C2CD3: variants seen among roughly 807,000 people sequenced by gnomAD.
C2CD3 encodes C2 domain containing 3 centriole elongation regulator.
In C2CD3, 148 loss-of-function variants were observed where a neutral mutation model predicts 234.0. The ratio of observed to expected loss-of-function variants is 0.63; its 90% CI spans 0.55 to 0.72. The LOEUF (loss-of-function observed/expected upper bound fraction) is 0.72, where lower values mean the gene tolerates loss of function less well. Among genes scored for constraint, C2CD3 ranks in the 30% least tolerant of loss-of-function variants. The pLI, the probability that C2CD3 is intolerant of heterozygous loss-of-function variation, is 0.00. For synonymous variants in C2CD3, 1,000 were observed against 1,035.4 expected, an observed-to-expected ratio of 0.97 and a Z score of 0.66; for missense variants, 2,577 against 2,811.5, an observed-to-expected ratio of 0.92 and a Z score of 1.89.
chr11:74,078,940 A>G (rs1399044959), intron 22 of C2CD3, among the ~76,000 whole-genome samples: 9 of 152,196 alleles, frequency 5.9e-5, no homozygotes, highest in African/African-American at 2.2e-4. Context: ...CTCTTTGGCT[A>G]TGGCTAGAAC....
intron 11 of C2CD3, among the ~76,000 whole-genome samples, chr11:74,111,671 G>A (rs1010204364): frequency 2.0e-5 from 3 of 152,134 alleles, no homozygotes; most frequent in Non-Finnish European, 4.4e-5. Context: ...TGGGGGATGG[G>A]AGGCAGGGGA....
chr11:74,098,286 T>TTTCC, intron 15 of C2CD3, 31 bp from the exon 16 acceptor site: 2 of 1,605,268 alleles, frequency 1.2e-6, no homozygotes, highest in Non-Finnish European at 1.7e-6. Context: ...AATAAGCAAA[T>TTTCC]AACAAGCATC....
intron 3 of C2CD3, among the ~76,000 whole-genome samples, chr11:74,154,727 C>G (rs535982997): frequency 2.0e-4 from 30 of 152,192 alleles, no homozygotes; most frequent in African/African-American, 7.2e-4. Context: ...GGTGTGGCTG[C>G]GTCCTAATAC....
intron 2 of C2CD3, among the ~76,000 whole-genome samples, chr11:74,162,937 T>C (rs960726206): frequency 1.3e-5 from 2 of 152,158 alleles, no homozygotes; most frequent in Non-Finnish European, 2.9e-5. Context: ...CACTGAGCTA[T>C]TGAGAGCACT....
intron 24 of C2CD3, among the ~76,000 whole-genome samples, chr11:74,057,981 A>C (rs965778316): frequency 4.0e-5 from 6 of 151,682 alleles, no homozygotes; most frequent in Non-Finnish European, 5.9e-5. Context: ...TCAATTGATG[A>C]CATGTTTTCA....
intron 7 of C2CD3, among the ~76,000 whole-genome samples, chr11:74,125,963 C>T (rs1202218191): frequency 6.6e-6 from 1 of 152,108 alleles, no homozygotes; most frequent in African/African-American, 2.4e-5. Context: ...TCCTTCTATC[C>T]CTCTTCTGTG....
At position 74,037,496 on chromosome 11, in the gene C2CD3, C is replaced by T. The variant is rs747486686; in HGVS notation, c.5863G>A (p.Val1955Ile). The T allele has an allele frequency of 6.2e-7, 1 of 1,613,928 alleles. No homozygotes were observed. The highest frequency in any genetic ancestry group is 1.1e-5 in the South Asian group (1 of 91,078). Residue 1955 changes from valine to isoleucine, a missense_variant, in exon 30 of 33, where the codon GTC (valine) becomes ATC (isoleucine). Physicochemically the swap from Val to Ile is conservative, Grantham distance 29 (BLOSUM62 3). Transcript: ENST00000334126. The part of the protein sequence containing the change: ...LEKSSNLVLQ[V>I]SSLITDLQTI... ...GTCATACCTGTGATTAAGGAGCTGA[C>T]TTGCAACACCAGGTTACTGGATTTC...
Position 74,074,568 on chromosome 11 carries a change from TG to T in C2CD3, c.4635del (p.Asn1546ThrfsTer78). The T allele has an allele frequency of 1.2e-6, 2 of 1,614,026 alleles. No homozygotes were observed. Among genetic ancestry groups the T allele is most frequent in the Non-Finnish European group, 1.7e-6 (2 of 1,179,964 alleles). On this transcript the variant is annotated frameshift_variant, in exon 24 of 33. Coordinates refer to ENST00000334126, the MANE Select transcript of C2CD3 (RefSeq NM_001286577.2). LOFTEE classifies it high-confidence loss of function. The part of the protein sequence containing the change: ...GVYPLFGRNA[S>X]NLSGAALRVH... Reference sequence around the variant, plus strand: ...ACTCGCAAGGCAGCTCCTGAGAGGTTGGAAGCATTTCGTCCAAACAGAGGAT... The same window carrying T: ...ACTCGCAAGGCAGCTCCTGAGAGGTTGAAGCATTTCGTCCAAACAGAGGAT...
In C2CD3 at chr11:74,074,642, C is replaced by A. The variant is rs754728711; in HGVS notation, c.4604-42G>T. 31 of 1,500,098 alleles carry A rather than the reference C, an allele frequency of 2.1e-5. 3 individuals are homozygous for A. In the Admixed American group the frequency reaches 3.4e-4, roughly 16 times the overall value. 92.9% of individuals were successfully genotyped at this position (1,500,098 alleles called of 1,614,324 possible). On this transcript the variant is annotated intron_variant, in intron 23 of 32. Coordinates refer to ENST00000334126, the MANE Select transcript of C2CD3 (RefSeq NM_001286577.2). ...AAGAATAAGGCTAGTCAAGCAGGAA[C>A]CAAGACCAAGCTTGGAGGAAATACT... is the stretch of plus-strand genomic sequence containing the variant.
chr11:74,030,672 C>T (rs1050852297), intron 31 of C2CD3, among the ~76,000 whole-genome samples: 1 of 152,172 alleles, frequency 6.6e-6, no homozygotes, highest in Non-Finnish European at 1.5e-5. Context: ...TCCCCCTTCC[C>T]AGGCTCTTCT....
At chr11:74,131,252 G>C (rs1957669763) in intron 7 of C2CD3, among the ~76,000 whole-genome samples, 1 of 151,350 alleles carries the variant, frequency 6.6e-6, no homozygotes, top group Admixed American at 6.6e-5. Context: ...GAACCCAGGA[G>C]GCAGAGGTTG....
At chr11:74,067,353 G>A (rs1233180656) in intron 24 of C2CD3, among the ~76,000 whole-genome samples, 1 of 152,088 alleles carries the variant, frequency 6.6e-6, no homozygotes, top group African/African-American at 2.4e-5. Context: ...CTGGAAAAAG[G>A]CTGAACCTGG....
intron 3 of C2CD3, among the ~76,000 whole-genome samples, chr11:74,143,924 TTATC>T (rs1180328977): frequency 7.2e-5 from 11 of 152,146 alleles, no homozygotes; most frequent in Admixed American, 6.6e-4. Context: ...TTTATTCAGG[TTATC>T]TATTTGATCT....
intron 7 of C2CD3, among the ~76,000 whole-genome samples, chr11:74,126,920 G>A (rs763821972): frequency 6.6e-6 from 1 of 152,036 alleles, no homozygotes; most frequent in African/African-American, 2.4e-5. Flanking sequence ...CCAGCCCTAA[G>A]GAACTATTAA....
At chr11:74,086,666 C>T (rs558784953) in intron 20 of C2CD3, among the ~76,000 whole-genome samples, 1 of 152,206 alleles carries the variant, frequency 6.6e-6, no homozygotes, top group East Asian at 1.9e-4. Context: ...TTATCTTTCT[C>T]AGCACAGATG....
At chr11:74,020,553 C>T (rs546896101) in intron 32 of C2CD3, among the ~76,000 whole-genome samples, 77 of 152,284 alleles carry the variant, frequency 5.1e-4, no homozygotes, top group African/African-American at 1.7e-3. Context: ...CCAAGAACTG[C>T]GAGCTCCCTA....
chr11:74,030,044 C>T (rs1470744885), intron 31 of C2CD3, among the ~76,000 whole-genome samples: 1 of 152,198 alleles, frequency 6.6e-6, no homozygotes, highest in Admixed American at 6.5e-5. Context: ...GTGTGAACCA[C>T]TATGTCTGGC....
chr11:74,081,156 T>C (rs183341898), intron 22 of C2CD3, among the ~76,000 whole-genome samples: 13 of 152,248 alleles, frequency 8.5e-5, no homozygotes, highest in African/African-American at 2.6e-4. Context: ...TCAGGTACTT[T>C]ATATAACCAA....
At chr11:74,053,553 C>G (rs573366552) in intron 26 of C2CD3, among the ~76,000 whole-genome samples, 1 of 152,168 alleles carries the variant, frequency 6.6e-6, no homozygotes, top group Non-Finnish European at 1.5e-5. Flanking sequence ...ATAATATCAG[C>G]ACATCCCTCT....
Sources: gnomAD v4.1 joint callset for allele counts (sites outside exome capture counted in the v4.1 genomes callset) on GRCh38, gnomAD v4.1.1 for gene constraint, MANE v1.5 for transcripts, NCBI Gene and HGNC (gene_info 2026-07-23, HGNC 2026-07-21) for gene names.